SENP7: variants seen among roughly 807,000 people sequenced by gnomAD.
SENP7 encodes the protein SUMO specific peptidase 7, also known as sentrin-specific protease 7.
A neutral mutation model predicts 141.2 loss-of-function variants in SENP7; 64 were observed. The observed-to-expected ratio is 0.45, with a 90% CI of 0.37 to 0.56. The LOEUF (loss-of-function observed/expected upper bound fraction) is 0.56. Among genes scored for constraint, SENP7 ranks in the 20% least tolerant of loss-of-function variants. SENP7 has a pLI of 0.00. For synonymous variants in SENP7, 382 were observed against 426.4 expected, an observed-to-expected ratio of 0.90 and a Z score of 1.28; for missense variants, 1,025 against 1,212.2, an observed-to-expected ratio of 0.85 and a Z score of 2.29.
rs752218566 is a variant in SENP7, at chr3:101,513,182, T to C, written c.-52A>G. 6.3e-6 allele frequency: 4 copies of C among 630,262 alleles called. No homozygotes were observed. Among genetic ancestry groups the C allele is most frequent in the South Asian group, 2.9e-5 (2 of 69,676 alleles). The allele number at this position is 630,262 out of a possible 1,614,324, so 39.0% of individuals were successfully genotyped here. ...GCAGGCGCTGTCACCTCAGGACCCC[T>C]CCGGCTTGGAGAGGGAGGGGGAGGG... On this transcript the variant is annotated 5_prime_UTR_variant, in exon 1 of 24. Coordinates refer to ENST00000394095, the MANE Select transcript of SENP7 (RefSeq NM_020654.5).
At chr3:101,438,919 A>G (rs1427605828) in intron 4 of SENP7, among the ~76,000 whole-genome samples, 1 of 143,852 alleles carries the variant, frequency 7.0e-6, no homozygotes, top group African/African-American at 2.5e-5. Flanking sequence ...TTGGCCTCCC[A>G]AAGTGCCGAG....
At position 101,331,939 on chromosome 3, in the gene SENP7, T is replaced by A. The variant is rs190987829; in HGVS notation, c.2698+46A>T. On this transcript the variant is annotated intron_variant, in intron 19 of 23. Transcript: ENST00000394095. ...CATTTTCTTCCCTGTAACCATTAAA[T>A]TATTGTCATCATTATTAAAAACACC... 7.6e-5 allele frequency: 121 copies of A among 1,591,278 alleles called. No individual in the cohort carries two copies. In the East Asian group the frequency reaches 2.5e-3, roughly 33 times the overall value.
chr3:101,357,748 GA>G (rs952026297), intron 11 of SENP7: 36 of 647,148 alleles, frequency 5.6e-5, no homozygotes, highest in Non-Finnish European at 9.4e-5. Flanking sequence ...AGACATACTG[GA>G]AAAAAAACTT....
chr3:101,458,823 T>G, intron 4 of SENP7, 132 bp downstream of exon 4: 1 of 580,094 alleles, frequency 1.7e-6, no homozygotes, highest in Non-Finnish European at 3.1e-6. Context: ...GAAAGAATCT[T>G]AGAGTCCACT....
chr3:101,470,212 G>T (rs1251549044), intron 3 of SENP7, among the ~76,000 whole-genome samples: 1 of 152,152 alleles, frequency 6.6e-6, no homozygotes, highest in East Asian at 1.9e-4. Flanking sequence ...CAGAAGGCAA[G>T]AAATAACTAA....
intron 1 of SENP7, among the ~76,000 whole-genome samples, chr3:101,508,303 T>C (rs2065709619): frequency 6.6e-6 from 1 of 151,918 alleles, no homozygotes; most frequent in South Asian, 2.1e-4. Context: ...CATTCAAGAA[T>C]GGCTTTAAGG....
intron 4 of SENP7, among the ~76,000 whole-genome samples, chr3:101,451,066 C>A (rs1429878872): frequency 2.6e-5 from 4 of 152,134 alleles, no homozygotes; most frequent in Non-Finnish European, 5.9e-5. Context: ...TACAAACTAC[C>A]ATCAGAGAAT....
intron 3 of SENP7, among the ~76,000 whole-genome samples, chr3:101,471,123 A>C (rs1338365277): frequency 6.6e-6 from 1 of 152,194 alleles, no homozygotes; most frequent in Non-Finnish European, 1.5e-5. Context: ...GCTACCAATG[A>C]CTTTCTTCAC....
chr3:101,455,217 A>AAT (rs2063310611), intron 4 of SENP7, among the ~76,000 whole-genome samples: 1 of 152,150 alleles, frequency 6.6e-6, no homozygotes, highest in Admixed American at 6.5e-5. Context: ...AATGTTATTA[A>AAT]AACAAAAATT....
intron 4 of SENP7, among the ~76,000 whole-genome samples, chr3:101,435,755 C>A (rs975280909): frequency 2.0e-5 from 3 of 151,770 alleles, no homozygotes; most frequent in African/African-American, 7.2e-5. Flanking sequence ...AACTATAAAA[C>A]AATTATTAAG....
chr3:101,424,243 G>T (rs988212179), intron 4 of SENP7, among the ~76,000 whole-genome samples: 1 of 152,028 alleles, frequency 6.6e-6, no homozygotes, highest in African/African-American at 2.4e-5. Context: ...CAGTGGGGTG[G>T]CCCCCAAAAC....
chr3:101,418,677 A>C (rs2061694537), intron 4 of SENP7, among the ~76,000 whole-genome samples: 1 of 127,746 alleles, frequency 7.8e-6, no homozygotes, highest in South Asian at 2.5e-4. Context: ...ATAAAACGGG[A>C]ACTCTCAAAA....
intron 3 of SENP7, among the ~76,000 whole-genome samples, chr3:101,480,662 C>T (rs1453834927): frequency 6.6e-6 from 1 of 151,856 alleles, no homozygotes; most frequent in African/African-American, 2.4e-5. Flanking sequence ...GGCTTCTGTA[C>T]GGCTAAGGAA....
At chr3:101,343,460 T>A (rs994900077) in intron 14 of SENP7, among the ~76,000 whole-genome samples, 1 of 152,122 alleles carries the variant, frequency 6.6e-6, no homozygotes, top group African/African-American at 2.4e-5. Flanking sequence ...CAGTTATCTA[T>A]TTATATAAAT....
chr3:101,451,266 C>G (rs1226037729), intron 4 of SENP7, among the ~76,000 whole-genome samples: 1 of 152,188 alleles, frequency 6.6e-6, no homozygotes, highest in East Asian at 1.9e-4. Flanking sequence ...GATGGATTCA[C>G]AGCCGAATTC....
At chr3:101,375,747 A>G (rs1198279938) in intron 6 of SENP7, among the ~76,000 whole-genome samples, 3 of 152,128 alleles carry the variant, frequency 2.0e-5, no homozygotes. Context: ...GAAAAGAAAA[A>G]CAAAATGTGG....
At chr3:101,463,410 T>TACAC (rs2063654443) in intron 3 of SENP7, among the ~76,000 whole-genome samples, 1 of 127,320 alleles carries the variant, frequency 7.9e-6, no homozygotes, top group African/African-American at 3.3e-5. Flanking sequence ...TATATATATA[T>TACAC]ATATATACAC....
chr3:101,360,003 G>T (rs894905903), intron 11 of SENP7, among the ~76,000 whole-genome samples: 4 of 151,702 alleles, frequency 2.6e-5, no homozygotes, highest in Admixed American at 2.6e-4. Flanking sequence ...ATATATTTAG[G>T]TTATCCAACT....
At chr3:101,467,179 G>C (rs1399939479) in intron 3 of SENP7, among the ~76,000 whole-genome samples, 1 of 152,226 alleles carries the variant, frequency 6.6e-6, no homozygotes. Context: ...AAAGTGGCCG[G>C]GCAGCTAGAA....
Sources: gnomAD v4.1 joint callset for allele counts (sites outside exome capture counted in the v4.1 genomes callset) on GRCh38, gnomAD v4.1.1 for gene constraint, MANE v1.5 for transcripts, NCBI Gene and HGNC (gene_info 2026-07-23, HGNC 2026-07-21) for gene names.